The following LAMC1 variants were observed in gnomAD, a reference collection of about 807,000 sequenced individuals.
LAMC1 encodes laminin subunit gamma-1.
LAMC1 carries 38 observed loss-of-function variants against 173.6 expected under a neutral mutation model. That is an observed-to-expected ratio of 0.22 (90% CI 0.17 to 0.29). LAMC1 has a LOEUF of 0.29. LAMC1 is among the 10% of genes least tolerant of loss of function. LAMC1 has a pLI of 1.00. For synonymous variants in LAMC1, 746 were observed against 749.1 expected (o/e 1.00, Z 0.07); for missense variants, 1,824 against 2,051.8 (o/e 0.89, Z 2.14).
At position 183,122,189 on chromosome 1, in the gene LAMC1, G is replaced by C. The variant is rs139817749; in HGVS notation, c.2339G>C (p.Ser780Thr). Reference sequence around the variant, plus strand: ...CCCTGTCCGTGTCCTGGAGGTTCAAGTTGTGCTGTTGTTCCCAAGACAAAG... The same window carrying C: ...CCCTGTCCGTGTCCTGGAGGTTCAACTTGTGCTGTTGTTCCCAAGACAAAG... ...CQPCPCPGGS[S>T]CAVVPKTKEV... The change falls in exon 13 of 28, where the codon AGT becomes ACT. Residue 780 changes from serine (S) to threonine (T), a missense_variant. Transcript: ENST00000258341. 77 of 1,614,196 alleles carry C rather than the reference G, an allele frequency of 4.8e-5. No homozygotes were observed. In the African/African-American group the frequency reaches 5.6e-4, roughly 12 times the overall value.
At chr1:183,084,289 G>A (rs1239366367) in intron 1 of LAMC1, among the ~76,000 whole-genome samples, 2 of 151,638 alleles carry the variant, frequency 1.3e-5, no homozygotes, top group African/African-American at 4.9e-5. Flanking sequence ...CTTGCAGTGA[G>A]CCAAGATCGC....
intron 1 of LAMC1, among the ~76,000 whole-genome samples, chr1:183,089,320 T>C (rs1161952778): frequency 6.6e-6 from 1 of 152,212 alleles, no homozygotes; most frequent in African/African-American, 2.4e-5. Context: ...CTGTTTAATG[T>C]TTGCTCTCAA....
At chr1:183,115,688 A>G in intron 6 of LAMC1, 51 bp downstream of exon 6, 1 of 1,157,128 alleles carries the variant, frequency 8.6e-7, no homozygotes, top group Non-Finnish European at 1.3e-6. Context: ...TATATAGTCA[A>G]CACATATTAA....
At position 183,121,898 on chromosome 1, in the gene LAMC1, G is replaced by A. The variant is rs1346408384; in HGVS notation, c.2166G>A (p.Val722=). The change falls in exon 12 of 28, where the codon GTG becomes GTA. Residue 722 remains valine, a synonymous_variant. Coordinates refer to ENST00000258341, the MANE Select transcript of LAMC1 (RefSeq NM_002293.4). ...ATCTTGGACCATACAGTCCATGTGT[G>A]CTTTGCGCCTGCAATGGACACAGCG... The part of the protein sequence containing the change: ...TPNLGPYSPC[V]LCACNGHSET... The A allele has an allele frequency of 6.2e-7, 1 of 1,614,222 alleles. No individual in the cohort carries two copies. Among genetic ancestry groups the A allele is most frequent in the Non-Finnish European group, 8.5e-7 (1 of 1,180,044 alleles).
chr1:183,077,807 GT>G (rs1263624928), intron 1 of LAMC1, among the ~76,000 whole-genome samples: 1 of 103,762 alleles, frequency 9.6e-6, no homozygotes, highest in Admixed American at 1.0e-4. Context: ...CAGTAGCACA[GT>G]TTTTTTATTC....
chr1:183,048,856 G>A (rs1481694961), intron 1 of LAMC1, among the ~76,000 whole-genome samples: 1 of 152,026 alleles, frequency 6.6e-6, no homozygotes, highest in Admixed American at 6.6e-5. Context: ...CTTCCGCTCT[G>A]TTGTACACAG....
intron 2 of LAMC1, 139 bp downstream of exon 2, chr1:183,103,771 CT>C: frequency 1.6e-6 from 1 of 629,144 alleles, no homozygotes; most frequent in Non-Finnish European, 2.6e-6. Context: ...AGACAGAGAG[CT>C]TGATTCTGCT....
intron 1 of LAMC1, among the ~76,000 whole-genome samples, chr1:183,042,445 C>T (rs1654160857): frequency 6.6e-6 from 1 of 152,166 alleles, no homozygotes; most frequent in South Asian, 2.1e-4. Flanking sequence ...TGGGGTCTAG[C>T]TGGGTGGTCT....
chr1:183,131,433 G>GTGTA (rs1476826309), intron 20 of LAMC1, 55 bp downstream of exon 20: 2 of 916,470 alleles, frequency 2.2e-6, no homozygotes, highest in African/African-American at 3.2e-5. Context: ...TATGGGGTGT[G>GTGTA]TGTGTGTGTG....
At position 183,126,148 on chromosome 1, in the gene LAMC1, A is replaced by C; in HGVS notation, c.2830A>C (p.Asn944His). The C allele has an allele frequency of 6.2e-7, 1 of 1,614,152 alleles. No individual in the cohort carries two copies. The highest frequency in any genetic ancestry group is 8.5e-7 in the Non-Finnish European group (1 of 1,180,034). The change falls in exon 16 of 28, where the codon AAT becomes CAT. Residue 944 changes from asparagine to histidine, a missense_variant. By Grantham distance (68) the Asn-to-His change is moderately conservative. Coordinates refer to ENST00000258341, the MANE Select transcript of LAMC1 (RefSeq NM_002293.4). ...RCDCHALGSTNGQCDIRTGQC... is the reference protein window; with the variant it reads ...RCDCHALGSTHGQCDIRTGQC... ...TGACTGCCATGCCTTGGGCTCCACC[A>C]ATGGGCAGTGTGACATCCGCACCGG...
intron 17 of LAMC1, 125 bp downstream of exon 17, chr1:183,127,529 T>C (rs1339664925): frequency 1.0e-5 from 8 of 777,026 alleles, no homozygotes; most frequent in African/African-American, 8.7e-5. Context: ...TAAAGACTTA[T>C]GTTCCAGTTG....
At chr1:183,067,562 C>G (rs1654906993) in intron 1 of LAMC1, among the ~76,000 whole-genome samples, 1 of 152,170 alleles carries the variant, frequency 6.6e-6, no homozygotes, top group African/African-American at 2.4e-5. Flanking sequence ...GATCTTGGCT[C>G]ACTGCAACCT....
intron 11 of LAMC1, among the ~76,000 whole-genome samples, chr1:183,119,891 C>G (rs1371407978): frequency 6.6e-6 from 1 of 152,052 alleles, no homozygotes; most frequent in Non-Finnish European, 1.5e-5. Context: ...TTAAAACTGT[C>G]CAGGCGTGGT....
chr1:183,116,690 C>T lies in LAMC1; in HGVS notation c.1427+15C>T. The T allele has an allele frequency of 5.0e-6, 8 of 1,609,244 alleles. No homozygotes were observed. Among genetic ancestry groups the T allele is most frequent in the Non-Finnish European group, 6.8e-6 (8 of 1,175,682 alleles). On this transcript the variant is annotated intron_variant, in intron 7 of 27. Transcript: ENST00000258341. ...AATTGTGAAAGGTAGTGCATTCTTT[C>T]TCTAGCTGCATTGTGTTTTCTGTTA...
rs544413764 is a variant in LAMC1, at chr1:183,093,169, T to C, written c.419-10159T>C. On this transcript the variant is annotated intron_variant, in intron 1 of 27. Transcript: ENST00000258341. The stretch of plus-strand genomic sequence containing the variant: ...TCTAACAGAAAATAAGAAAAATTAC[T>C]TGGAAAATTGTTTTTATTACCTGTC... Among the ~76,000 whole-genome samples the C allele has an allele frequency of 1.3e-5, 2 of 152,206 alleles. 1 individual carries two copies. Among genetic ancestry groups the C allele is most frequent in the South Asian group, 4.2e-4 (2 of 4,814 alleles).
intron 1 of LAMC1, among the ~76,000 whole-genome samples, chr1:183,034,177 T>C (rs1298700671): frequency 6.6e-6 from 1 of 152,224 alleles, no homozygotes; most frequent in Admixed American, 6.5e-5. Flanking sequence ...TGAGTTATGA[T>C]AGATGTTGAA....
chr1:183,029,242 T>C (rs10911200), intron 1 of LAMC1, among the ~76,000 whole-genome samples: 50,571 of 152,156 alleles, frequency 0.33, 9,629 homozygotes, highest in East Asian at 0.49. Flanking sequence ...CCAGACACTA[T>C]GTGTCTTGAA....
intron 13 of LAMC1, among the ~76,000 whole-genome samples, chr1:183,123,367 A>G (rs1230871827): frequency 4.6e-5 from 7 of 152,290 alleles, no homozygotes; most frequent in Middle Eastern, 3.4e-3. Flanking sequence ...TCCAATCTCA[A>G]CATGAAAGCC....
At chr1:183,050,047 G>A (rs1654375499) in intron 1 of LAMC1, among the ~76,000 whole-genome samples, 1 of 152,068 alleles carries the variant, frequency 6.6e-6, no homozygotes, top group Non-Finnish European at 1.5e-5. Context: ...CCCACTCAAG[G>A]TAGTGTTATC....
Sources: gnomAD v4.1 joint callset for allele counts (sites outside exome capture counted in the v4.1 genomes callset) on GRCh38, gnomAD v4.1.1 for gene constraint, MANE v1.5 for transcripts, NCBI Gene and HGNC (gene_info 2026-07-23, HGNC 2026-07-21) for gene names.